Variants in COL25A1 observed in about 807,000 individuals in gnomAD.
COL25A1 encodes collagen alpha-1(XXV) chain.
In COL25A1, 103 loss-of-function variants were observed where a neutral mutation model predicts 128.4. The ratio of observed to expected loss-of-function variants is 0.80; its 90% CI spans 0.68 to 0.94. The LOEUF is 0.94. Among genes scored for constraint, COL25A1 ranks in the 40% least tolerant of loss-of-function variants. The pLI, the probability that COL25A1 is intolerant of heterozygous loss-of-function variation, is 0.00. For synonymous variants in COL25A1, 279 were observed against 277.2 expected (o/e 1.01, Z -0.06); for missense variants, 745 against 840.0 (o/e 0.89, Z 1.40).
intron 16 of COL25A1, among the ~76,000 whole-genome samples, chr4:108,892,552 A>G (rs1401617710): frequency 6.6e-6 from 1 of 152,202 alleles, no homozygotes; most frequent in Non-Finnish European, 1.5e-5. Flanking sequence ...TGAAGTTATA[A>G]TCCTTGTCCT....
At chr4:108,835,859 G>GTTTTTTTTT (rs1560721327) in intron 31 of COL25A1, among the ~76,000 whole-genome samples, 1 of 89,514 alleles carries the variant, frequency 1.1e-5, no homozygotes, top group Non-Finnish European at 2.1e-5. Flanking sequence ...GCTTACATAC[G>GTTTTTTTTT]TCTTTTTTTT....
At chr4:108,917,382 G>C (rs1374894587) in intron 13 of COL25A1, among the ~76,000 whole-genome samples, 2 of 152,132 alleles carry the variant, frequency 1.3e-5, no homozygotes, top group African/African-American at 4.8e-5. Context: ...GAGTATAAAA[G>C]GGCCAGGCCA....
chr4:108,986,176 T>A (rs1003154457), intron 6 of COL25A1, among the ~76,000 whole-genome samples: 11 of 152,234 alleles, frequency 7.2e-5, no homozygotes, highest in African/African-American at 2.7e-4. Context: ...CTGTTGGCCT[T>A]ACCTCTTCTA....
intron 18 of COL25A1, among the ~76,000 whole-genome samples, chr4:108,884,599 A>G (rs769086919): frequency 1.3e-5 from 2 of 152,212 alleles, no homozygotes; most frequent in African/African-American, 4.8e-5. Context: ...TCAACAATGC[A>G]TCCTATCCCA....
chr4:108,830,454 C>T (rs1228370902), intron 32 of COL25A1, among the ~76,000 whole-genome samples: 3 of 152,192 alleles, frequency 2.0e-5, no homozygotes, highest in Non-Finnish European at 4.4e-5. Context: ...CCGATTCTGA[C>T]TTCTTTAAAA....
intron 5 of COL25A1, among the ~76,000 whole-genome samples, chr4:109,019,373 C>CATATATATATATATAT (rs1271683280): frequency 0.038 from 1,188 of 31,236 alleles, 13 homozygotes; most frequent in South Asian, 0.054. Flanking sequence ...CACACACACA[C>CATATATATATATATAT]ACATATATAT....
intron 6 of COL25A1, among the ~76,000 whole-genome samples, chr4:109,006,245 A>T (rs1755961595): frequency 6.6e-6 from 1 of 151,552 alleles, no homozygotes; most frequent in Non-Finnish European, 1.5e-5. Flanking sequence ...GGTGGGTCTC[A>T]CTCTGTTGCC....
chr4:109,097,378 G>C (rs1023416506), intron 3 of COL25A1, among the ~76,000 whole-genome samples: 1 of 151,474 alleles, frequency 6.6e-6, no homozygotes, highest in Non-Finnish European at 1.5e-5. Flanking sequence ...GCCAAGGCAG[G>C]AGGGTCACTT....
chr4:109,050,532 ATAAT>A (rs1316349556), intron 3 of COL25A1, among the ~76,000 whole-genome samples: 1 of 152,142 alleles, frequency 6.6e-6, no homozygotes, highest in African/African-American at 2.4e-5. Context: ...CAGTATATGA[ATAAT>A]TAAAGTACTA....
At chr4:109,235,269 G>A (rs1779397828) in intron 3 of COL25A1, among the ~76,000 whole-genome samples, 1 of 152,002 alleles carries the variant, frequency 6.6e-6, no homozygotes, top group Non-Finnish European at 1.5e-5. Context: ...CACCAGTTAG[G>A]GCTAACAAGA....
intron 5 of COL25A1, among the ~76,000 whole-genome samples, chr4:109,017,587 A>T (rs1466386852): frequency 2.0e-5 from 3 of 152,236 alleles, no homozygotes; most frequent in Non-Finnish European, 2.9e-5. Flanking sequence ...TATGGATGGT[A>T]AATCTGTGTC....
At chr4:108,873,536 A>AGTG (rs1739033145) in intron 19 of COL25A1, among the ~76,000 whole-genome samples, 1 of 112,296 alleles carries the variant, frequency 8.9e-6, no homozygotes, top group African/African-American at 2.9e-5. Context: ...TAGTAGTAGT[A>AGTG]GTAGTAGTAG....
At chr4:109,256,693 C>T (rs1781110941) in intron 3 of COL25A1, among the ~76,000 whole-genome samples, 1 of 152,122 alleles carries the variant, frequency 6.6e-6, no homozygotes, top group South Asian at 2.1e-4. Context: ...ATTAAAAAGA[C>T]CTAAGTTGAC....
At chr4:108,884,596 T>C (rs1341937571) in intron 18 of COL25A1, among the ~76,000 whole-genome samples, 1 of 152,228 alleles carries the variant, frequency 6.6e-6, no homozygotes, top group Non-Finnish European at 1.5e-5. Context: ...ATTTCAACAA[T>C]GCATCCTATC....
At position 109,195,781 on chromosome 4, in the gene COL25A1, C is replaced by T. The variant is rs147469116; in HGVS notation, c.367+104802G>A. Among the ~76,000 whole-genome samples the T allele has an allele frequency of 2.0e-5, 3 of 152,244 alleles. No homozygotes were observed. In the East Asian group the frequency reaches 5.8e-4, roughly 29 times the overall value. On this transcript the variant is annotated intron_variant, in intron 3 of 37. Transcript: ENST00000399132. ...TGATATTTTCAAACCCACATGCATC[C>T]ACCAAGAAGCAGTCAAAATGTTTGA...
intron 26 of COL25A1, among the ~76,000 whole-genome samples, chr4:108,851,714 A>T (rs1334875041): frequency 6.6e-6 from 1 of 152,192 alleles, no homozygotes; most frequent in African/African-American, 2.4e-5. Flanking sequence ...GGTATGTTTC[A>T]TTAGATAAGA....
chr4:108,977,279 T>C (rs1174592117), intron 6 of COL25A1, among the ~76,000 whole-genome samples: 1 of 152,200 alleles, frequency 6.6e-6, no homozygotes, highest in Admixed American at 6.5e-5. Context: ...AAATCAACTT[T>C]ATAAAACCTT....
At chr4:108,870,740 T>C (rs1738609991) in intron 19 of COL25A1, among the ~76,000 whole-genome samples, 1 of 152,232 alleles carries the variant, frequency 6.6e-6, no homozygotes, top group Non-Finnish European at 1.5e-5. Context: ...AACAAAATGA[T>C]ATATACAAAT....
chr4:109,268,329 T>A (rs1173483133), intron 3 of COL25A1, among the ~76,000 whole-genome samples: 1 of 152,204 alleles, frequency 6.6e-6, no homozygotes, highest in Non-Finnish European at 1.5e-5. Flanking sequence ...GATTCTTGTA[T>A]CCATTTGATG....
Sources: allele counts gnomAD v4.1 joint callset (sites outside exome capture counted in the v4.1 genomes callset), GRCh38; gene constraint gnomAD v4.1.1; transcripts MANE v1.5; gene names NCBI Gene and HGNC (gene_info 2026-07-23, HGNC 2026-07-21).